The following SLCO5A1 variants were observed in gnomAD, a reference collection of about 807,000 sequenced individuals.
The protein encoded by SLCO5A1 is organic anion transporter polypeptide-related protein 4.
In SLCO5A1, 39 loss-of-function variants were observed where a neutral mutation model predicts 65.1. That is an observed-to-expected ratio of 0.60 (90% CI 0.46 to 0.78). The LOEUF (loss-of-function observed/expected upper bound fraction) is 0.78. Among genes scored for constraint, SLCO5A1 ranks in the 30% least tolerant of loss-of-function variants. The pLI, the probability that SLCO5A1 is intolerant of heterozygous loss-of-function variation, is 0.00. For missense variants in SLCO5A1, 1,029 were observed against 1,069.4 expected (o/e 0.96, Z 0.53); for synonymous variants, 438 against 415.7 (o/e 1.05, Z -0.65).
At chr8:69,753,505 C>T (rs570505307) in intron 4 of SLCO5A1, among the ~76,000 whole-genome samples, 1 of 152,306 alleles carries the variant, frequency 6.6e-6, no homozygotes, top group South Asian at 2.1e-4. Context: ...GCATTGTCTA[C>T]ACTGCATCTT....
chr8:69,672,094 A>G lies in SLCO5A1; in HGVS notation c.*775T>C, dbSNP rs1813349934. The G allele has an allele frequency of 6.6e-6, 1 of 152,218 alleles. No homozygotes were observed. The highest frequency in any genetic ancestry group is 2.4e-5 in the African/African-American group (1 of 41,456). 9.4% of individuals were successfully genotyped at this position (152,218 alleles called of 1,614,324 possible). ...CATATTGTTTAGCACACTAGTTTTA[A>G]TGCTCCTTACAAAAGAATACTGGAG... On this transcript the variant is annotated 3_prime_UTR_variant, in exon 10 of 10. Coordinates refer to ENST00000260126, the MANE Select transcript of SLCO5A1 (RefSeq NM_030958.3).
rs147139515 is a variant in SLCO5A1 at position 69,831,975 on chromosome 8, G to T, written c.699C>A (p.Asn233Lys). The change falls in exon 2 of 10, where the codon AAC becomes AAA. Residue 233 changes from asparagine to lysine, a missense_variant. Coordinates refer to ENST00000260126, the MANE Select transcript of SLCO5A1 (RefSeq NM_030958.3). Reference protein sequence around the residue: ...QIQELNASAPNDGLCQGGNST... With the variant: ...QIQELNASAPKDGLCQGGNST... ...AGTTGCCACCCTGACACAGGCCGTC[G>T]TTGGGGGCCGAGGCGTTCAACTCTT... The T allele has an allele frequency of 2.2e-4, 348 of 1,593,010 alleles. No individual in the cohort carries two copies. The highest frequency in any genetic ancestry group is 2.9e-4 in the Non-Finnish European group (342 of 1,170,512).
At chr8:69,675,487 T>C (rs570887602) in intron 9 of SLCO5A1, among the ~76,000 whole-genome samples, 1 of 152,308 alleles carries the variant, frequency 6.6e-6, no homozygotes, top group East Asian at 1.9e-4. Context: ...AAGGCAGACT[T>C]CTTCACTATA....
Position 69,809,670 on chromosome 8 carries a change from TATG to T in SLCO5A1, c.907+22094_907+22096del, listed in dbSNP as rs202149847. 4.1e-3 allele frequency among the ~76,000 whole-genome samples: 621 copies of T among 152,124 alleles called. 1 individual carries two copies. The highest frequency in any genetic ancestry group is 0.013 in the African/African-American group (560 of 41,512). ...ATGCCAACTTTATTATTATTATGATTATGATTATTATTATTATGCTATCTTTCA... is the reference window on the plus strand; with the variant it reads ...ATGCCAACTTTATTATTATTATGATTATTATTATTATTATGCTATCTTTCA... On this transcript the variant is annotated intron_variant, in intron 2 of 9. Transcript: ENST00000260126.
chr8:69,742,007 T>C (rs1186520713), intron 4 of SLCO5A1, among the ~76,000 whole-genome samples: 1 of 152,172 alleles, frequency 6.6e-6, no homozygotes, highest in Non-Finnish European at 1.5e-5. Context: ...TAGCACCAGA[T>C]CAATGTGAAT....
At chr8:69,725,467 GT>G (rs1816020802) in intron 5 of SLCO5A1, among the ~76,000 whole-genome samples, 4 of 150,296 alleles carry the variant, frequency 2.7e-5, no homozygotes, top group Non-Finnish European at 4.4e-5. Context: ...AAAGATGTAT[GT>G]ATGTATGTAT....
intron 4 of SLCO5A1, among the ~76,000 whole-genome samples, chr8:69,742,953 A>G (rs1816855970): frequency 6.6e-6 from 1 of 151,904 alleles, no homozygotes; most frequent in Admixed American, 6.6e-5. Flanking sequence ...GACACTTGCC[A>G]CCATGCCTGG....
chr8:69,691,988 C>G (rs1237794644), intron 6 of SLCO5A1, among the ~76,000 whole-genome samples: 1 of 152,214 alleles, frequency 6.6e-6, no homozygotes, highest in East Asian at 1.9e-4. Flanking sequence ...GTGGCTCACG[C>G]CTGTAATCCC....
At chr8:69,744,963 T>G (rs1816958371) in intron 4 of SLCO5A1, among the ~76,000 whole-genome samples, 1 of 152,202 alleles carries the variant, frequency 6.6e-6, no homozygotes. Flanking sequence ...AAAATGTCCA[T>G]TAAAGAAGAA....
intron 2 of SLCO5A1, among the ~76,000 whole-genome samples, chr8:69,812,045 C>T (rs1015116619): frequency 1.6e-4 from 25 of 152,298 alleles, no homozygotes; most frequent in Middle Eastern, 3.4e-3. Flanking sequence ...CCCTCTCATT[C>T]GAGTCCATCA....
chr8:69,823,094 T>C (rs1167879357), intron 2 of SLCO5A1, among the ~76,000 whole-genome samples: 1 of 152,218 alleles, frequency 6.6e-6, no homozygotes, highest in African/African-American at 2.4e-5. Flanking sequence ...TTCTTACTCT[T>C]TTCCCTGTTG....
At chr8:69,679,840 ACTTTTCTAAGAAG>A (rs1200268232) in intron 7 of SLCO5A1, among the ~76,000 whole-genome samples, 1 of 152,128 alleles carries the variant, frequency 6.6e-6, no homozygotes, top group Non-Finnish European at 1.5e-5. Flanking sequence ...TTAAACCTAA[ACTTTTCTAAGAAG>A]CTTTCAACAT....
intron 4 of SLCO5A1, among the ~76,000 whole-genome samples, chr8:69,739,133 TGC>T (rs1265010007): frequency 2.6e-5 from 4 of 152,320 alleles, no homozygotes; most frequent in Non-Finnish European, 2.9e-5. Context: ...TAAAGCAAGC[TGC>T]AAAAATAGAT....
Position 69,832,009 on chromosome 8 carries a change from T to C in SLCO5A1, c.665A>G (p.Tyr222Cys). ...CGAGGCGTTCAACTCTTGGATCTGG[T>C]AGGGGGGCGAGATGAAGTGAGGTAA... ...FALPHFISPP[Y>C]QIQELNASAP... is the part of the protein sequence containing the mutation. Residue 222 changes from tyrosine (Y) to cysteine (C), a missense_variant, in exon 2 of 10, where the codon TAC becomes TGC. Transcript: ENST00000260126. This position sits in a 1 kb window ranked among gnomAD's most constrained non-coding sequence, Gnocchi z 4.5. The C allele has an allele frequency of 6.2e-7, 1 of 1,600,366 alleles. No individual in the cohort carries two copies. Among genetic ancestry groups the C allele is most frequent in the South Asian group, 1.1e-5 (1 of 89,064 alleles).
intron 6 of SLCO5A1, among the ~76,000 whole-genome samples, chr8:69,697,383 C>A (rs1409876494): frequency 6.6e-6 from 1 of 152,114 alleles, no homozygotes; most frequent in Non-Finnish European, 1.5e-5. Context: ...GAGCGAGATT[C>A]TGTTTCCAAA....
intron 5 of SLCO5A1, among the ~76,000 whole-genome samples, chr8:69,709,546 C>CACAGAAAAGTAGGAAGGAAA (rs1261597065): frequency 6.6e-6 from 1 of 151,814 alleles, no homozygotes; most frequent in Non-Finnish European, 1.5e-5. Context: ...AGTTGAAAAA[C>CACAGAAAAGTAGGAAGGAAA]ACAGAAAAGT....
rs1230165550 is a variant in SLCO5A1 at position 69,673,049 on chromosome 8, A to G, written c.2367T>C (p.Asn789=). The change falls in exon 10 of 10, where the codon AAT becomes AAC. Residue 789 remains asparagine, a synonymous_variant. Transcript: ENST00000260126. ...TVSERVGHPD[N]ARTRSCPAFS... ...AAGCTGGGCAAGATCTAGTCCGGGC[A>G]TTGTCGGGGTGTCCCACTCTCTCAC... 6.2e-7 allele frequency: 1 copy of G among 1,614,150 alleles called. No homozygotes were observed. Among genetic ancestry groups the G allele is most frequent in the South Asian group, 1.1e-5 (1 of 91,086 alleles).
At chr8:69,687,292 C>A (rs893219659) in intron 6 of SLCO5A1, among the ~76,000 whole-genome samples, 1 of 152,114 alleles carries the variant, frequency 6.6e-6, no homozygotes, top group Non-Finnish European at 1.5e-5. Context: ...CCTGACTACA[C>A]GAAGGAGAGT....
chr8:69,706,203 C>T (rs375199617), intron 5 of SLCO5A1, among the ~76,000 whole-genome samples: 17 of 152,178 alleles, frequency 1.1e-4, no homozygotes, highest in African/African-American at 3.6e-4. Context: ...GACATCACTA[C>T]GTTGGTATGA....
Sources: gnomAD v4.1 joint callset for allele counts (sites outside exome capture counted in the v4.1 genomes callset) on GRCh38, gnomAD v4.1.1 for gene constraint, Gnocchi (gnomAD v3.1) non-coding constraint, MANE v1.5 for transcripts, NCBI Gene and HGNC (gene_info 2026-07-23, HGNC 2026-07-21) for gene names.